The following CDH13 variants were observed in gnomAD, a reference collection of about 807,000 sequenced individuals.
CDH13 encodes cadherin-13.
A neutral mutation model predicts 63.8 loss-of-function variants in CDH13; 24 were observed. The ratio of observed to expected loss-of-function variants is 0.38; its 90% CI spans 0.27 to 0.53. The LOEUF (loss-of-function observed/expected upper bound fraction) is 0.53. Ranked by LOEUF, CDH13 falls within the 20% of genes least tolerant of loss-of-function variation. The pLI, the probability that CDH13 is intolerant of heterozygous loss-of-function variation, is 0.85. For synonymous variants in CDH13, 503 were observed against 355.3 expected (o/e 1.42, Z -4.67); for missense variants, 1,049 against 903.1 (o/e 1.16, Z -2.07).
intron 7 of CDH13, among the ~76,000 whole-genome samples, chr16:83,588,450 G>A (rs925653055): frequency 6.6e-6 from 1 of 152,170 alleles, no homozygotes; most frequent in African/African-American, 2.4e-5. Context: ...TCCCCCAGGA[G>A]ATTTAGAATA....
At chr16:83,710,456 T>A (rs440585) in intron 10 of CDH13, 1 of 152,022 alleles carries the variant, frequency 6.6e-6, no homozygotes, top group African/African-American at 2.4e-5. Context: ...GAACTTGGGC[T>A]ATAGCATTGC....
intron 7 of CDH13, among the ~76,000 whole-genome samples, chr16:83,522,571 T>A (rs1035837637): frequency 3.3e-5 from 5 of 152,186 alleles, no homozygotes; most frequent in African/African-American, 1.2e-4. Flanking sequence ...CTGTGGCCAA[T>A]AAATGTCTAG....
At chr16:83,233,588 A>C (rs534051995) in intron 5 of CDH13, among the ~76,000 whole-genome samples, 1 of 152,096 alleles carries the variant, frequency 6.6e-6, no homozygotes, top group Non-Finnish European at 1.5e-5. Context: ...ACCTTTTCCA[A>C]CTTTTGGGGG....
intron 6 of CDH13, among the ~76,000 whole-genome samples, chr16:83,369,916 C>T (rs1164571206): frequency 6.6e-6 from 1 of 152,202 alleles, no homozygotes; most frequent in African/African-American, 2.4e-5. Flanking sequence ...AACTCAACCA[C>T]CTGGCTTCAT....
At chr16:83,031,039 C>G (rs1223925973) in intron 2 of CDH13, among the ~76,000 whole-genome samples, 1 of 151,354 alleles carries the variant, frequency 6.6e-6, no homozygotes, top group Admixed American at 6.6e-5. Flanking sequence ...GAAAATGTGG[C>G]CCACTAGAAT....
At chr16:82,826,250 T>G (rs2038247891) in intron 1 of CDH13, 1 of 152,180 alleles carries the variant, frequency 6.6e-6, no homozygotes, top group South Asian at 2.1e-4. Context: ...CCAAATGAAA[T>G]CTTGAAATCA....
intron 2 of CDH13, among the ~76,000 whole-genome samples, chr16:83,022,501 G>T (rs1255845354): frequency 6.6e-6 from 1 of 152,180 alleles, no homozygotes; most frequent in African/African-American, 2.4e-5. Flanking sequence ...AATAAACAAC[G>T]TGTAGAGCAT....
chr16:83,630,863 G>A lies in CDH13; in HGVS notation c.1101+28269G>A, dbSNP rs1480437461. On this transcript the variant is annotated intron_variant, in intron 8 of 13. Transcript: ENST00000567109. ...CTATCTTATTAAAAATAAAATGGGA[G>A]CAGGTTTGCCTCCCATAGGTCCCAG... Among the ~76,000 whole-genome samples, 4 of 152,148 alleles carry A rather than the reference G, an allele frequency of 2.6e-5. No individual in the cohort carries two copies. In the East Asian group the frequency reaches 7.7e-4, roughly 29 times the overall value.
intron 6 of CDH13, among the ~76,000 whole-genome samples, chr16:83,406,417 T>TCC (rs61149137): frequency 0.11 from 16,178 of 144,134 alleles, 1,126 homozygotes; most frequent in Middle Eastern, 0.17. Context: ...TCTCTTTCTT[T>TCC]CCCCCCCCGC....
intron 2 of CDH13, among the ~76,000 whole-genome samples, chr16:82,940,740 G>T (rs1904277846): frequency 6.6e-6 from 1 of 152,116 alleles, no homozygotes. Flanking sequence ...GCACATACAG[G>T]CCCTATTCCT....
intron 6 of CDH13, among the ~76,000 whole-genome samples, chr16:83,482,534 G>T (rs1015231137): frequency 6.6e-6 from 1 of 152,220 alleles, no homozygotes; most frequent in Non-Finnish European, 1.5e-5. Context: ...TGGAGCCAGA[G>T]TTCCTCGGAA....
At chr16:82,797,821 G>A (rs950513685) in intron 1 of CDH13, among the ~76,000 whole-genome samples, 5 of 137,866 alleles carry the variant, frequency 3.6e-5, no homozygotes, top group African/African-American at 1.3e-4. Flanking sequence ...ACATGTGTAT[G>A]TGTACATACT....
chr16:83,170,975 A>G (rs994929516), intron 4 of CDH13, among the ~76,000 whole-genome samples: 5 of 151,944 alleles, frequency 3.3e-5, no homozygotes, highest in Non-Finnish European at 7.4e-5. Context: ...CCTCCCCATC[A>G]GTCTTTTTAC....
chr16:82,902,110 A>G (rs1275251099), intron 2 of CDH13, among the ~76,000 whole-genome samples: 1 of 152,182 alleles, frequency 6.6e-6, no homozygotes, highest in Non-Finnish European at 1.5e-5. Context: ...TAATTTGCCC[A>G]TTTTAAAGCA....
chr16:82,790,442 A>C (rs73604853), intron 1 of CDH13, among the ~76,000 whole-genome samples: 12,446 of 152,236 alleles, frequency 0.082, 659 homozygotes, highest in African/African-American at 0.13. Flanking sequence ...CTCAAAAAAG[A>C]AAAACAGAAA....
intron 3 of CDH13, among the ~76,000 whole-genome samples, chr16:83,092,284 A>C (rs183360398): frequency 1.4e-4 from 21 of 152,324 alleles, no homozygotes; most frequent in African/African-American, 4.8e-4. Context: ...GTCTGCCTTA[A>C]ATGCCTCCCA....
intron 6 of CDH13, among the ~76,000 whole-genome samples, chr16:83,456,409 T>A (rs1433474781): frequency 1.3e-5 from 2 of 152,036 alleles, no homozygotes; most frequent in African/African-American, 2.4e-5. Context: ...AAATCCAAAC[T>A]GGTGAGAAAG....
intron 2 of CDH13, among the ~76,000 whole-genome samples, chr16:83,029,500 C>G (rs954993138): frequency 6.6e-6 from 1 of 152,098 alleles, no homozygotes; most frequent in African/African-American, 2.4e-5. Context: ...AATATAGTAA[C>G]CTGGATACTA....
chr16:82,923,285 C>T lies in CDH13; in HGVS notation c.157+64812C>T, dbSNP rs2042211279. On this transcript the variant is annotated intron_variant, in intron 2 of 13. Coordinates refer to ENST00000567109, the MANE Select transcript of CDH13 (RefSeq NM_001257.5). The stretch of plus-strand genomic sequence containing the variant: ...TGGCACAAGGTGGGAATTTGATGAA[C>T]ATTTGTTCCATGAGTGAAGTGAGTT... Among the ~76,000 whole-genome samples the T allele has an allele frequency of 2.0e-5, 3 of 152,146 alleles. No individual in the cohort carries two copies. The South Asian group carries it at 6.2e-4, about 31-fold the overall frequency.
Sources: gnomAD v4.1 joint callset for allele counts (sites outside exome capture counted in the v4.1 genomes callset) on GRCh38, gnomAD v4.1.1 for gene constraint, MANE v1.5 for transcripts, NCBI Gene and HGNC (gene_info 2026-07-23, HGNC 2026-07-21) for gene names.